LRP1B: variants seen among roughly 807,000 people sequenced by gnomAD.
LRP1B encodes the protein LDL receptor related protein 1B, also known as low-density lipoprotein receptor-related protein 1B.
LRP1B carries 217 observed loss-of-function variants against 556.6 expected under a neutral mutation model. That is an observed-to-expected ratio of 0.39 (90% CI 0.35 to 0.44). The LOEUF (loss-of-function observed/expected upper bound fraction) is 0.44, where lower values mean the gene tolerates loss of function less well. LRP1B is among the 20% of genes least tolerant of loss of function. LRP1B has a pLI of 1.00. For synonymous variants in LRP1B, 2,047 were observed against 1,865.8 expected, an observed-to-expected ratio of 1.10 and a Z score of -2.50; for missense variants, 5,053 against 5,620.8, an observed-to-expected ratio of 0.90 and a Z score of 3.23.
At chr2:140,886,600 CA>C (rs754316011) in intron 23 of LRP1B, among the ~76,000 whole-genome samples, 5 of 145,730 alleles carry the variant, frequency 3.4e-5, no homozygotes, top group Non-Finnish European at 6.1e-5. Flanking sequence ...TATTGCCACG[CA>C]AAGACAAAAT....
intron 5 of LRP1B, among the ~76,000 whole-genome samples, chr2:141,233,660 A>G (rs1683551486): frequency 6.6e-6 from 1 of 152,142 alleles, no homozygotes. Context: ...TTTACTTATA[A>G]TAATATGATT....
In LRP1B at chr2:140,531,915, G is replaced by A. The variant is rs372311152; in HGVS notation, c.7762+2106C>T. 5.1e-4 allele frequency among the ~76,000 whole-genome samples: 77 copies of A among 152,212 alleles called. 1 individual carries two copies. In the South Asian group the frequency reaches 0.015, roughly 30 times the overall value. On this transcript the variant is annotated intron_variant, in intron 47 of 90. Transcript: ENST00000389484. ...TTAAGCATATCCCTCTATTAGTCCT[G>A]CAGGCTACTTCACCTTTTCATATAT... is the stretch of plus-strand genomic sequence containing the variant.
chr2:141,336,116 A>C (rs1314968663), intron 3 of LRP1B, among the ~76,000 whole-genome samples: 72 of 144,986 alleles, frequency 5.0e-4, no homozygotes, highest in Admixed American at 7.5e-4. Flanking sequence ...GACCTGTCCA[A>C]AAAAAAAAAA....
At chr2:141,435,862 C>T (rs1216824375) in intron 3 of LRP1B, among the ~76,000 whole-genome samples, 1 of 152,170 alleles carries the variant, frequency 6.6e-6, no homozygotes, top group Non-Finnish European at 1.5e-5. Flanking sequence ...AATAGAACTT[C>T]TGCAACATGG....
intron 2 of LRP1B, among the ~76,000 whole-genome samples, chr2:141,507,998 A>G (rs1385822381): frequency 6.6e-6 from 1 of 151,678 alleles, no homozygotes. Context: ...TGACAGGAGA[A>G]TTGCTTGAAC....
chr2:140,390,309 A>T (rs1683959760), intron 66 of LRP1B, among the ~76,000 whole-genome samples: 2 of 152,202 alleles, frequency 1.3e-5, no homozygotes, highest in East Asian at 1.9e-4. Context: ...TAAGTAATGT[A>T]CATATGGTCA....
At chr2:141,259,974 C>A (rs71417136) in intron 3 of LRP1B, among the ~76,000 whole-genome samples, 1 of 152,026 alleles carries the variant, frequency 6.6e-6, no homozygotes, top group Non-Finnish European at 1.5e-5. Context: ...CCTGCCATAT[C>A]GTATATACAC....
intron 41 of LRP1B, among the ~76,000 whole-genome samples, chr2:140,605,808 C>T (rs12470296): frequency 6.6e-5 from 10 of 151,806 alleles, no homozygotes; most frequent in East Asian, 1.9e-4. Context: ...AATTCAATAA[C>T]CTTTCATTAT....
At chr2:141,148,454 GGAGAAGCCACGTGGA>G in intron 7 of LRP1B, among the ~76,000 whole-genome samples, 1 of 152,264 alleles carries the variant, frequency 6.6e-6, no homozygotes, top group African/African-American at 2.4e-5. Flanking sequence ...CCTGGCCTTA[GGAGAAGCCACGTGGA>G]GAGAATATAT....
At chr2:141,799,633 C>G (rs1695937103) in intron 2 of LRP1B, among the ~76,000 whole-genome samples, 2 of 152,038 alleles carry the variant, frequency 1.3e-5, no homozygotes, top group African/African-American at 4.8e-5. Context: ...CTTGTGAGGC[C>G]TTATGGATCC....
intron 66 of LRP1B, among the ~76,000 whole-genome samples, chr2:140,427,256 T>G (rs1685701461): frequency 6.6e-6 from 1 of 152,078 alleles, no homozygotes; most frequent in Non-Finnish European, 1.5e-5. Context: ...TCACCCACGT[T>G]CCCTTGGTGG....
intron 3 of LRP1B, among the ~76,000 whole-genome samples, chr2:141,384,584 CT>C (rs1157665141): frequency 6.6e-6 from 1 of 152,024 alleles, no homozygotes; most frequent in Non-Finnish European, 1.5e-5. Context: ...CATGGGTGGC[CT>C]CTGAGGAGAA....
chr2:141,774,008 A>G (rs1694981150), intron 2 of LRP1B, among the ~76,000 whole-genome samples: 1 of 152,216 alleles, frequency 6.6e-6, no homozygotes, highest in African/African-American at 2.4e-5. Flanking sequence ...TTAAAACAAC[A>G]ACAACAACTC....
intron 74 of LRP1B, 66 bp downstream of exon 74, chr2:140,357,913 A>C (rs1262153824): frequency 6.5e-7 from 1 of 1,540,012 alleles, no homozygotes; most frequent in African/African-American, 1.4e-5. Context: ...AGAACATTTT[A>C]GTCATGTACA....
rs190927563 is a variant in LRP1B, at chr2:140,367,340, T to C, written c.11009-2557A>G. Among the ~76,000 whole-genome samples, 118 of 151,878 alleles carry C rather than the reference T, an allele frequency of 7.8e-4. 1 individual carries two copies. Among genetic ancestry groups the C allele is most frequent in the Non-Finnish European group, 1.5e-3 (104 of 67,844 alleles). ...GTAGTGATATTGATCTGAATAATAG[T>C]ACAATTGTCTGCAAAAATGCTTAGC... On this transcript the variant is annotated intron_variant, in intron 71 of 90. Transcript: ENST00000389484.
chr2:141,753,016 A>G (rs1235809844), intron 2 of LRP1B, among the ~76,000 whole-genome samples: 1 of 146,434 alleles, frequency 6.8e-6, no homozygotes, highest in Non-Finnish European at 1.5e-5. Context: ...TGGGAGGCCG[A>G]GGCAGGTGGA....
intron 59 of LRP1B, among the ~76,000 whole-genome samples, chr2:140,479,650 T>C (rs1354100237): frequency 6.6e-6 from 1 of 152,210 alleles, no homozygotes; most frequent in Non-Finnish European, 1.5e-5. Context: ...AATTTTTTCC[T>C]TCCACCTGCA....
At chr2:141,097,279 AC>A (rs764612844) in intron 7 of LRP1B, among the ~76,000 whole-genome samples, 2 of 152,182 alleles carry the variant, frequency 1.3e-5, no homozygotes, top group African/African-American at 2.4e-5. Flanking sequence ...AATTTTTAAA[AC>A]AAACAAAAAT....
chr2:140,641,030 T>C (rs763192225), intron 41 of LRP1B, among the ~76,000 whole-genome samples: 3 of 152,192 alleles, frequency 2.0e-5, no homozygotes, highest in African/African-American at 7.2e-5. Context: ...ACCAAGGCTG[T>C]TTTAATATTA....
Sources: allele counts gnomAD v4.1 joint callset (sites outside exome capture counted in the v4.1 genomes callset), GRCh38; gene constraint gnomAD v4.1.1; transcripts MANE v1.5; gene names NCBI Gene and HGNC (gene_info 2026-07-23, HGNC 2026-07-21).